The following STPG2 variants were observed in gnomAD, a reference collection of about 807,000 sequenced individuals.
The protein encoded by STPG2 is sperm-tail PG-rich repeat-containing protein 2.
A neutral mutation model predicts 54.2 loss-of-function variants in STPG2; 56 were observed. The observed-to-expected ratio is 1.03, with a 90% CI of 0.83 to 1.29. STPG2 has a LOEUF of 1.29. STPG2 is among the 50% of genes most tolerant of loss of function. The pLI, the probability that STPG2 is intolerant of heterozygous loss-of-function variation, is 0.00. For synonymous variants in STPG2, 200 were observed against 181.8 expected, an observed-to-expected ratio of 1.10 and a Z score of -0.81; for missense variants, 596 against 544.9, an observed-to-expected ratio of 1.09 and a Z score of -0.93.
At chr4:97,777,932 G>A (rs1026165459) in intron 9 of STPG2, among the ~76,000 whole-genome samples, 1 of 152,126 alleles carries the variant, frequency 6.6e-6, no homozygotes, top group African/African-American at 2.4e-5. Context: ...AATCAGGGGG[G>A]TGGTTCCAAG....
At position 97,932,697 on chromosome 4, in the gene STPG2, C is replaced by T. The variant is rs1560596742; in HGVS notation, c.1044+11200G>A. Among the ~76,000 whole-genome samples, 4 of 152,202 alleles carry T rather than the reference C, an allele frequency of 2.6e-5. No individual in the cohort carries two copies. The South Asian group carries it at 6.2e-4, about 24-fold the overall frequency. ...CATGCACCCGCAAAGGACATAATCTCATTCCTTTTTATGACTGCATAGTAT... is the reference window on the plus strand; with the variant it reads ...CATGCACCCGCAAAGGACATAATCTTATTCCTTTTTATGACTGCATAGTAT... On this transcript the variant is annotated intron_variant, in intron 8 of 10. Coordinates refer to ENST00000295268, the MANE Select transcript of STPG2 (RefSeq NM_174952.3).
intron 4 of STPG2, among the ~76,000 whole-genome samples, chr4:97,548,747 G>C (rs1731900326): frequency 6.6e-6 from 1 of 151,824 alleles, no homozygotes; most frequent in African/African-American, 2.4e-5. Context: ...AATACTTTTT[G>C]TTTCTAAACA....
In STPG2 at chr4:97,768,102, T is replaced by G. The variant is rs564203129; in HGVS notation, c.1205-55288A>C. On this transcript the variant is annotated intron_variant, in intron 9 of 10. Coordinates refer to ENST00000295268, the MANE Select transcript of STPG2 (RefSeq NM_174952.3). ...GAATGTCGTGAACCCAGGAGGCGGA[T>G]CTTGCAGTGAGCCGAGATCACGCCA... 2.9e-3 allele frequency among the ~76,000 whole-genome samples: 441 copies of G among 151,282 alleles called. 1 individual carries two copies. The highest frequency in any genetic ancestry group is 9.9e-3 in the African/African-American group (406 of 41,182).
At chr4:97,536,150 A>C (rs11941060) in intron 4 of STPG2, among the ~76,000 whole-genome samples, 2,614 of 152,244 alleles carry the variant, frequency 0.017, 66 homozygotes, top group African/African-American at 0.058. Flanking sequence ...AAATTAAATA[A>C]TTTTTATTGC....
chr4:97,475,891 G>A (rs1250748318), intron 4 of STPG2, among the ~76,000 whole-genome samples: 1 of 151,936 alleles, frequency 6.6e-6, no homozygotes, highest in Non-Finnish European at 1.5e-5. Flanking sequence ...CCACCATCAG[G>A]CTCATTCCTG....
At chr4:97,697,991 CTG>C (rs1190760365) in intron 10 of STPG2, among the ~76,000 whole-genome samples, 5 of 152,196 alleles carry the variant, frequency 3.3e-5, no homozygotes, top group Non-Finnish European at 7.3e-5. Flanking sequence ...GGGTAAAACT[CTG>C]TTCATGGCTC....
intron 3 of STPG2, among the ~76,000 whole-genome samples, chr4:98,113,509 C>T (rs1282450321): frequency 6.6e-6 from 1 of 151,986 alleles, no homozygotes; most frequent in Non-Finnish European, 1.5e-5. Flanking sequence ...ATTTCCAGCA[C>T]TGTACGTGGT....
At chr4:97,451,078 A>T (rs1456111251) in intron 4 of STPG2, among the ~76,000 whole-genome samples, 4 of 152,190 alleles carry the variant, frequency 2.6e-5, no homozygotes, top group Admixed American at 2.0e-4. Context: ...CAGGTTATCT[A>T]CAAATAGACT....
At chr4:97,839,414 G>C (rs1169291538) in intron 9 of STPG2, among the ~76,000 whole-genome samples, 1 of 151,604 alleles carries the variant, frequency 6.6e-6, no homozygotes, top group Admixed American at 6.6e-5. Flanking sequence ...TTTTTATGCA[G>C]AGGAGAGTAA....
At chr4:97,938,849 G>C (rs1732862512) in intron 8 of STPG2, among the ~76,000 whole-genome samples, 1 of 151,948 alleles carries the variant, frequency 6.6e-6, no homozygotes, top group Admixed American at 6.6e-5. Flanking sequence ...TTCACATGCT[G>C]TTTTGGTTCT....
intron 4 of STPG2, among the ~76,000 whole-genome samples, chr4:97,525,174 T>A (rs1053956172): frequency 6.6e-6 from 1 of 151,904 alleles, no homozygotes; most frequent in Non-Finnish European, 1.5e-5. Flanking sequence ...ACCATAAATA[T>A]TAAATTCATT....
At chr4:98,079,570 T>C (rs1291129069) in intron 5 of STPG2, among the ~76,000 whole-genome samples, 1 of 152,218 alleles carries the variant, frequency 6.6e-6, no homozygotes, top group East Asian at 1.9e-4. Context: ...ACTCACTCTT[T>C]ACTACTTCTC....
chr4:97,526,464 TTTTG>T lies in STPG2; in HGVS notation c.462+186231_462+186234del, dbSNP rs563291679. Among the ~76,000 whole-genome samples the T allele has an allele frequency of 6.0e-3, 919 of 152,106 alleles. 13 individuals carry two copies. Among genetic ancestry groups the T allele is most frequent in the African/African-American group, 0.021 (860 of 41,528 alleles). Reference sequence around the variant, plus strand: ...AATAAAGCAAATGAGTTTTGTTTCTTTTTGTTTGTTTGTTTTTGAGAAGTGTCCG... The same window carrying T: ...AATAAAGCAAATGAGTTTTGTTTCTTTTTGTTTGTTTTTGAGAAGTGTCCG... On this transcript the variant is annotated intron_variant, in intron 4 of 4. Transcript: ENST00000522676.
At chr4:97,589,716 G>A (rs1360630667) in intron 10 of STPG2, among the ~76,000 whole-genome samples, 3 of 152,202 alleles carry the variant, frequency 2.0e-5, no homozygotes, top group Non-Finnish European at 2.9e-5. Context: ...ATGACGGTTC[G>A]CAAATGTGAC....
At chr4:97,781,724 C>T (rs1726621987) in intron 9 of STPG2, among the ~76,000 whole-genome samples, 1 of 152,126 alleles carries the variant, frequency 6.6e-6, no homozygotes, top group African/African-American at 2.4e-5. Context: ...CATCAAAAAG[C>T]TTATCCACCA....
intron 5 of STPG2, chr4:98,025,671 T>C: frequency 9.7e-7 from 1 of 1,031,080 alleles, no homozygotes; most frequent in Non-Finnish European, 1.5e-6. Flanking sequence ...ACAAATTATG[T>C]TGCAGCGTAT....
At chr4:97,786,383 A>G (rs1260297452) in intron 9 of STPG2, among the ~76,000 whole-genome samples, 2 of 152,042 alleles carry the variant, frequency 1.3e-5, no homozygotes, top group Non-Finnish European at 2.9e-5. Flanking sequence ...ATTTTTCATT[A>G]AGTTCTACTC....
chr4:97,689,886 C>T (rs1457855711), intron 10 of STPG2, among the ~76,000 whole-genome samples: 1 of 151,894 alleles, frequency 6.6e-6, no homozygotes, highest in African/African-American at 2.4e-5. Flanking sequence ...ATCTCTAAAA[C>T]AATATATATC....
chr4:97,460,331 C>T (rs907508089), intron 4 of STPG2, among the ~76,000 whole-genome samples: 1 of 151,594 alleles, frequency 6.6e-6, no homozygotes, highest in Admixed American at 6.6e-5. Context: ...TTGTATTTTG[C>T]TTTGGTTCTT....
Sources: gnomAD v4.1 joint callset for allele counts (sites outside exome capture counted in the v4.1 genomes callset) on GRCh38, gnomAD v4.1.1 for gene constraint, MANE v1.5 for transcripts, NCBI Gene and HGNC (gene_info 2026-07-23, HGNC 2026-07-21) for gene names.